Variants in CA10 observed in about 807,000 individuals in gnomAD.
CA10 encodes the protein carbonic anhydrase 10 (inactive), also known as carbonic anhydrase-related protein 10.
CA10 carries 14 observed loss-of-function variants against 44.2 expected under a neutral mutation model. The observed-to-expected ratio is 0.32, with a 90% CI of 0.21 to 0.50. The LOEUF is 0.50. CA10 is among the 20% of genes least tolerant of loss of function. The pLI is 0.99. For missense variants in CA10, 350 were observed against 409.7 expected (o/e 0.85, Z 1.26); for synonymous variants, 159 against 141.6 (o/e 1.12, Z -0.87).
chr17:51,991,838 A>T (rs915389541), intron 2 of CA10, among the ~76,000 whole-genome samples: 2 of 152,002 alleles, frequency 1.3e-5, no homozygotes, highest in Non-Finnish European at 2.9e-5. Flanking sequence ...CCTTTTGTTG[A>T]TGCTAGGCAT....
chr17:51,662,669 A>T (rs759124554), intron 4 of CA10, among the ~76,000 whole-genome samples: 2 of 152,192 alleles, frequency 1.3e-5, no homozygotes, highest in Non-Finnish European at 2.9e-5. Context: ...ACCAGCCACC[A>T]CATTCTCACC....
intron 4 of CA10, among the ~76,000 whole-genome samples, chr17:51,722,293 T>G (rs1916373015): frequency 6.6e-6 from 1 of 152,052 alleles, no homozygotes; most frequent in South Asian, 2.1e-4. Flanking sequence ...ATGCTTATTC[T>G]CCCTCATGCC....
intron 4 of CA10, among the ~76,000 whole-genome samples, chr17:51,672,862 G>C (rs950810325): frequency 6.6e-6 from 1 of 152,184 alleles, no homozygotes; most frequent in Non-Finnish European, 1.5e-5. Flanking sequence ...TCCCGGAAAA[G>C]TTAAAATGAG....
At chr17:51,791,819 C>T (rs944769581) in intron 3 of CA10, among the ~76,000 whole-genome samples, 16 of 152,130 alleles carry the variant, frequency 1.1e-4, no homozygotes, top group Non-Finnish European at 2.2e-4. Context: ...CTTTTGAAGA[C>T]CCTGTAAATC....
At chr17:51,633,706 A>G (rs978966468) in intron 7 of CA10, 56 bp from the exon 8 acceptor site, 1 of 1,577,138 alleles carries the variant, frequency 6.3e-7, no homozygotes, top group Non-Finnish European at 8.6e-7. Flanking sequence ...GCACTAGGGA[A>G]GAAATAAGAC....
At chr17:51,923,958 A>C (rs1982327730) in intron 3 of CA10, among the ~76,000 whole-genome samples, 1 of 152,156 alleles carries the variant, frequency 6.6e-6, no homozygotes, top group Non-Finnish European at 1.5e-5. Flanking sequence ...GAAAATATGA[A>C]AGCATGTTTA....
chr17:51,920,430 TGAAAAAATGA>T (rs984678523), intron 3 of CA10, among the ~76,000 whole-genome samples: 39 of 149,852 alleles, frequency 2.6e-4, no homozygotes, highest in African/African-American at 8.6e-4. Flanking sequence ...GTAAAAGAGA[TGAAAAAATGA>T]GAAAAAATGA....
intron 4 of CA10, among the ~76,000 whole-genome samples, chr17:51,731,527 G>A (rs1323938125): frequency 2.6e-5 from 4 of 152,022 alleles, no homozygotes; most frequent in Admixed American, 2.6e-4. Flanking sequence ...TCCTTTGGTG[G>A]TGGGGGGAGT....
At chr17:51,983,150 G>C (rs1984709866) in intron 2 of CA10, among the ~76,000 whole-genome samples, 1 of 151,422 alleles carries the variant, frequency 6.6e-6, no homozygotes, top group Non-Finnish European at 1.5e-5. Flanking sequence ...ACCCTTAATA[G>C]AGTGTGCCAT....
At chr17:51,764,743 C>G (rs564556968) in intron 3 of CA10, among the ~76,000 whole-genome samples, 1 of 152,320 alleles carries the variant, frequency 6.6e-6, no homozygotes, top group African/African-American at 2.4e-5. Context: ...TTCTTGCCAG[C>G]CTGCCCACTA....
chr17:51,689,254 C>T (rs1249244298), intron 4 of CA10, among the ~76,000 whole-genome samples: 1 of 152,114 alleles, frequency 6.6e-6, no homozygotes, highest in Non-Finnish European at 1.5e-5. Flanking sequence ...CTTTACAAAG[C>T]AGAGATTTTA....
chr17:52,042,622 TTTTG>T (rs1183317943), intron 2 of CA10, among the ~76,000 whole-genome samples: 15 of 152,010 alleles, frequency 9.9e-5, no homozygotes, highest in African/African-American at 3.6e-4. Context: ...ACTTGTTTAT[TTTTG>T]TTTGTGTTGC....
At chr17:51,801,623 A>G (rs1311889331) in intron 3 of CA10, among the ~76,000 whole-genome samples, 4 of 152,200 alleles carry the variant, frequency 2.6e-5, no homozygotes, top group Non-Finnish European at 4.4e-5. Context: ...CGAAATCTAG[A>G]AAGAAGAGTA....
At chr17:51,819,055 T>G (rs1387660207) in intron 3 of CA10, among the ~76,000 whole-genome samples, 1 of 152,164 alleles carries the variant, frequency 6.6e-6, no homozygotes, top group Non-Finnish European at 1.5e-5. Context: ...ATAAAAAGGA[T>G]GCTAAAAAAA....
chr17:51,886,945 T>C (rs1567873594), intron 3 of CA10, among the ~76,000 whole-genome samples: 2 of 152,152 alleles, frequency 1.3e-5, no homozygotes, highest in African/African-American at 4.8e-5. Flanking sequence ...GCCTTACTTA[T>C]GCCATCAGCT....
chr17:52,052,103 T>C (rs1181979969), intron 2 of CA10, among the ~76,000 whole-genome samples: 2 of 150,910 alleles, frequency 1.3e-5, no homozygotes, highest in East Asian at 3.9e-4. Flanking sequence ...ACATAGAGGG[T>C]AACAATACAT....
intron 3 of CA10, among the ~76,000 whole-genome samples, chr17:51,833,045 G>A (rs1039837212): frequency 6.6e-6 from 1 of 152,198 alleles, no homozygotes; most frequent in South Asian, 2.1e-4. Flanking sequence ...TTTCTGGAAT[G>A]GATGGAGAGG....
At chr17:51,940,628 C>T (rs1047506259) in intron 2 of CA10, among the ~76,000 whole-genome samples, 1 of 150,886 alleles carries the variant, frequency 6.6e-6, no homozygotes, top group Non-Finnish European at 1.5e-5. Flanking sequence ...TCTCACCAGT[C>T]TTAATGGAAT....
chr17:51,752,988 T>C (rs1904945170), intron 3 of CA10, among the ~76,000 whole-genome samples: 1 of 152,196 alleles, frequency 6.6e-6, no homozygotes, highest in African/African-American at 2.4e-5. Context: ...TTTTCATTTC[T>C]TCTCCAGTCT....
Sources: allele counts gnomAD v4.1 joint callset (sites outside exome capture counted in the v4.1 genomes callset), GRCh38; gene constraint gnomAD v4.1.1; transcripts MANE v1.5; gene names NCBI Gene and HGNC (gene_info 2026-07-23, HGNC 2026-07-21).